The following PKHD1 variants were observed in gnomAD, a reference collection of about 807,000 sequenced individuals.
PKHD1 encodes the protein PKHD1 ciliary IPT domain containing fibrocystin/polyductin.
Under a neutral mutation model 412.0 loss-of-function variants are expected in PKHD1, and 291 were observed. The ratio of observed to expected loss-of-function variants is 0.71; its 90% CI spans 0.64 to 0.78. PKHD1 has a LOEUF of 0.78. PKHD1 is among the 30% of genes least tolerant of loss of function. The probability of loss-of-function intolerance (pLI) is 0.00; values close to 1 mark genes in which losing one functional copy is unlikely to be tolerated. For synonymous variants in PKHD1, 1,777 were observed against 1,821.5 expected (o/e 0.98, Z 0.62); for missense variants, 4,825 against 4,950.7 (o/e 0.97, Z 0.76).
intron 60 of PKHD1, among the ~76,000 whole-genome samples, chr6:51,674,399 T>C (rs943560143): frequency 6.6e-6 from 1 of 152,168 alleles, no homozygotes; most frequent in Non-Finnish European, 1.5e-5. Flanking sequence ...TTGGTGGTCC[T>C]TCCTTCCTCC....
At chr6:51,998,435 G>A (rs1443887557) in intron 35 of PKHD1, among the ~76,000 whole-genome samples, 2 of 152,186 alleles carry the variant, frequency 1.3e-5, no homozygotes, top group East Asian at 3.8e-4. Flanking sequence ...AGGAGAAAAG[G>A]AGTCTAAAAA....
Position 51,615,828 on chromosome 6 carries a change from A to G in PKHD1, c.*3253T>C, listed in dbSNP as rs1766016106. The G allele has an allele frequency of 6.6e-6, 1 of 152,186 alleles. No homozygotes were observed. Among genetic ancestry groups the G allele is most frequent in the Non-Finnish European group, 1.5e-5 (1 of 68,042 alleles). The allele number at this position is 152,186 out of a possible 1,614,324, so 9.4% of individuals were successfully genotyped here. On this transcript the variant is annotated 3_prime_UTR_variant, in exon 67 of 67. Coordinates refer to ENST00000371117, the MANE Select transcript of PKHD1 (RefSeq NM_138694.4). ...TCCTTGGTGGCCTCACTGGGCAGTA[A>G]CAAGGGCAAGTCTATTGAAGGGCAA...
At chr6:51,810,842 T>C (rs1320350655) in intron 52 of PKHD1, among the ~76,000 whole-genome samples, 4 of 152,234 alleles carry the variant, frequency 2.6e-5, no homozygotes, top group Non-Finnish European at 5.9e-5. Context: ...GCCTCATTAT[T>C]ATAAAAAGAA....
At chr6:51,774,788 T>C (rs1043555810) in intron 54 of PKHD1, among the ~76,000 whole-genome samples, 1 of 151,784 alleles carries the variant, frequency 6.6e-6, no homozygotes, top group African/African-American at 2.4e-5. Context: ...TGATGGTCCT[T>C]GCTCTTTTTC....
intron 53 of PKHD1, among the ~76,000 whole-genome samples, chr6:51,780,345 C>T (rs1174858680): frequency 6.6e-6 from 1 of 151,404 alleles, no homozygotes; most frequent in Non-Finnish European, 1.5e-5. Context: ...GAGATCGCAC[C>T]ACACTGCACT....
intron 60 of PKHD1, among the ~76,000 whole-genome samples, chr6:51,727,204 C>T (rs372338533): frequency 1.6e-4 from 25 of 152,214 alleles, no homozygotes; most frequent in Non-Finnish European, 3.2e-4. Flanking sequence ...TCTTATTTTC[C>T]TTTTCCTCTT....
chr6:51,804,095 C>CA (rs773602572), intron 52 of PKHD1, among the ~76,000 whole-genome samples: 1 of 151,368 alleles, frequency 6.6e-6, no homozygotes, highest in Non-Finnish European at 1.5e-5. Context: ...ATGATCATGG[C>CA]AAAGCCCAGG....
intron 60 of PKHD1, among the ~76,000 whole-genome samples, chr6:51,709,036 G>A (rs1780339969): frequency 6.6e-6 from 1 of 152,136 alleles, no homozygotes; most frequent in Admixed American, 6.5e-5. Context: ...AGAAAAGTTT[G>A]CTAACTCCTG....
At chr6:51,712,431 G>A (rs1239219179) in intron 60 of PKHD1, among the ~76,000 whole-genome samples, 3 of 152,066 alleles carry the variant, frequency 2.0e-5, no homozygotes, top group Non-Finnish European at 2.9e-5. Flanking sequence ...AATAATACAG[G>A]TTGACCATGA....
chr6:52,004,748 G>A (rs1443805363), intron 35 of PKHD1, among the ~76,000 whole-genome samples: 1 of 152,110 alleles, frequency 6.6e-6, no homozygotes, highest in East Asian at 1.9e-4. Flanking sequence ...CCTTTCTGAG[G>A]TCTCAACTCA....
chr6:52,008,836 T>G (rs967960839), intron 35 of PKHD1, among the ~76,000 whole-genome samples: 1 of 152,116 alleles, frequency 6.6e-6, no homozygotes, highest in Non-Finnish European at 1.5e-5. Context: ...AAGCAAGTGA[T>G]GTATTCAAAC....
intron 52 of PKHD1, among the ~76,000 whole-genome samples, chr6:51,815,846 A>G (rs1765370825): frequency 6.6e-6 from 1 of 152,206 alleles, no homozygotes; most frequent in South Asian, 2.1e-4. Context: ...TTTCAGATTC[A>G]TAGTCAGCCT....
chr6:51,702,446 G>C (rs1158117399), intron 60 of PKHD1, among the ~76,000 whole-genome samples: 2 of 151,730 alleles, frequency 1.3e-5, no homozygotes, highest in Admixed American at 6.6e-5. Context: ...ATAGGAGGCA[G>C]GTGAAAGATA....
intron 51 of PKHD1, 145 bp downstream of exon 51, chr6:51,836,259 G>T: frequency 1.4e-6 from 1 of 693,580 alleles, no homozygotes. Flanking sequence ...TAGTTACAGG[G>T]CAACACAATA....
chr6:51,778,334 A>G (rs1791404334), intron 53 of PKHD1, among the ~76,000 whole-genome samples: 1 of 152,172 alleles, frequency 6.6e-6, no homozygotes, highest in African/African-American at 2.4e-5. Flanking sequence ...ATTGTGCTGC[A>G]AAGACATTCC....
rs569409732 is a variant in PKHD1 at position 52,084,747 on chromosome 6, A to G, written c.52+135T>C. ...CTCTGAAAACAGTATTTTTAACTCA[A>G]TTTTTTGATTGGCAAGTTAAAAATG... On this transcript the variant is annotated intron_variant, in intron 2 of 66. Transcript: ENST00000371117. 3.7e-4 allele frequency: 277 copies of G among 743,842 alleles called. 3 individuals carry two copies. The South Asian group carries it at 3.8e-3, about 10-fold the overall frequency. The allele number at this position is 743,842 out of a possible 1,614,324, so 46.1% of individuals were successfully genotyped here. A position where few individuals can be genotyped will look rare whatever the true frequency, so the allele number is the denominator to read the frequency against.
intron 43 of PKHD1, among the ~76,000 whole-genome samples, chr6:51,901,586 G>T (rs930880250): frequency 1.3e-5 from 2 of 151,332 alleles, no homozygotes; most frequent in Non-Finnish European, 2.9e-5. Flanking sequence ...CAAGTTAGTG[G>T]GTACAGCGCA....
At chr6:51,826,734 A>T (rs764557569) in intron 52 of PKHD1, among the ~76,000 whole-genome samples, 4 of 152,206 alleles carry the variant, frequency 2.6e-5, no homozygotes, top group Non-Finnish European at 4.4e-5. Flanking sequence ...AGCTTACTCC[A>T]TATAATACCA....
At chr6:51,801,660 A>C (rs984988345) in intron 52 of PKHD1, among the ~76,000 whole-genome samples, 1 of 34,840 alleles carries the variant, frequency 2.9e-5, no homozygotes, top group Non-Finnish European at 7.4e-5. Flanking sequence ...TGTGTGAGAG[A>C]GAGAGAGAGA....
Sources: gnomAD v4.1 joint callset for allele counts (sites outside exome capture counted in the v4.1 genomes callset) on GRCh38, gnomAD v4.1.1 for gene constraint, MANE v1.5 for transcripts, NCBI Gene and HGNC (gene_info 2026-07-23, HGNC 2026-07-21) for gene names.